RP1: variants seen among roughly 807,000 people sequenced by gnomAD.
RP1 encodes oxygen-regulated protein 1.
In RP1, 16 loss-of-function variants were observed where a neutral mutation model predicts 14.8. That is an observed-to-expected ratio of 1.08 (90% confidence interval 0.73 to 1.65). RP1 has a LOEUF of 1.65. RP1 is among the 40% of genes most tolerant of loss of function. The pLI is 0.00. For missense variants in RP1, 2,631 were observed against 2,535.0 expected (o/e 1.04, Z -0.81); for synonymous variants, 876 against 883.6 (o/e 0.99, Z 0.15).
At chr8:54,839,571 T>C (rs771974529) in intron 25 of RP1, among the ~76,000 whole-genome samples, 1 of 152,166 alleles carries the variant, frequency 6.6e-6, no homozygotes, top group Non-Finnish European at 1.5e-5. Flanking sequence ...CCCCTGGAAA[T>C]CTTTGCTCAG....
Position 54,810,704 on chromosome 8 carries a change from A to G in RP1, c.3616-26746A>G, listed in dbSNP as rs1049865270. On this transcript the variant is annotated intron_variant, in intron 24 of 28. Coordinates refer to the RP1 transcript ENST00000637698. ...TGTTTCTGTGGAAAATCCCTGTTCCAACACTGTGCCTGCTTGCTGTTTAAT... is the reference window on the plus strand; with the variant it reads ...TGTTTCTGTGGAAAATCCCTGTTCCGACACTGTGCCTGCTTGCTGTTTAAT... Among the ~76,000 whole-genome samples the G allele has an allele frequency of 4.6e-5, 7 of 152,348 alleles. No homozygotes were observed. In the East Asian group the frequency reaches 1.4e-3, roughly 29 times the overall value.
intron 7 of RP1, among the ~76,000 whole-genome samples, chr8:54,665,854 G>A (rs1371153319): frequency 6.6e-6 from 1 of 152,118 alleles, no homozygotes; most frequent in Admixed American, 6.6e-5. Context: ...CATGGAAATC[G>A]TTGGGAAACT....
At chr8:54,663,715 G>C in exon 7 of RP1, 1 of 1,528,350 alleles carries the variant, frequency 6.5e-7, no homozygotes, top group Non-Finnish European at 8.7e-7. Flanking sequence ...TATATGAAGT[G>C]AATGTGGCAA....
rs35327842 is a variant in RP1, at chr8:54,630,049, G to A, written c.6167G>A (p.Gly2056Asp). Residue 2056 changes from glycine (G) to aspartate (D), a missense_variant, in exon 4 of 4, where the codon GGT becomes GAT. By Grantham distance (94) the Gly-to-Asp change is moderately conservative. Transcript: ENST00000220676. ...GATTCAAATACACAAGACCTCAGCG[G>A]TCAGACAAATGAAATCTTTAAAGCA... ...NVDSNTQDLS[G>D]QTNEIFKAVD... The A allele has an allele frequency of 2.5e-4, 400 of 1,614,014 alleles. No individual in the cohort carries two copies. The African/African-American group carries it at 4.8e-3, about 20-fold the overall frequency.
chr8:54,726,237 T>G (rs374965645), intron 16 of RP1: 1 of 1,258,596 alleles, frequency 7.9e-7, no homozygotes, highest in Non-Finnish European at 1.0e-6. Flanking sequence ...GGCATTGAAA[T>G]GGAAACAATA....
chr8:54,586,740 C>G (rs1358491401), intron 1 of RP1, among the ~76,000 whole-genome samples: 3 of 152,198 alleles, frequency 2.0e-5, no homozygotes, highest in Non-Finnish European at 4.4e-5. Context: ...AGTTTGATCT[C>G]AGACTGCTGT....
At chr8:54,854,087 A>G (rs1812130827) in intron 26 of RP1, among the ~76,000 whole-genome samples, 1 of 152,182 alleles carries the variant, frequency 6.6e-6, no homozygotes, top group Non-Finnish European at 1.5e-5. Flanking sequence ...CCTGCTGTCT[A>G]ATGGATCTGC....
chr8:54,726,863 C>T (rs183433316), intron 17 of RP1, among the ~76,000 whole-genome samples: 27 of 150,858 alleles, frequency 1.8e-4, no homozygotes, highest in Admixed American at 1.5e-3. Context: ...GAAACTGAAG[C>T]TTAAAAAAAA....
intron 4 of RP1, among the ~76,000 whole-genome samples, chr8:54,650,776 G>A (rs1371017878): frequency 6.9e-6 from 1 of 145,842 alleles, no homozygotes; most frequent in Non-Finnish European, 1.5e-5. Flanking sequence ...TCTTATTGCT[G>A]AATTGCTGTA....
intron 1 of RP1, among the ~76,000 whole-genome samples, chr8:54,567,997 G>A (rs1000080968): frequency 1.3e-5 from 2 of 152,194 alleles, no homozygotes; most frequent in South Asian, 4.2e-4. Context: ...TATAGTCCAG[G>A]GCTGGTATGG....
At chr8:54,813,633 T>C (rs530116636) in intron 24 of RP1, among the ~76,000 whole-genome samples, 60 of 152,368 alleles carry the variant, frequency 3.9e-4, no homozygotes, top group African/African-American at 1.4e-3. Context: ...AAATATTCTA[T>C]AAATATTTGT....
chr8:54,671,253 C>T (rs536080245), intron 7 of RP1, among the ~76,000 whole-genome samples: 1 of 152,160 alleles, frequency 6.6e-6, no homozygotes, highest in Admixed American at 6.5e-5. Context: ...TCTCTTGCTG[C>T]TTCCACGATT....
chr8:54,783,625 A>G (rs1810243613), exon 24 of RP1: 5 of 1,231,512 alleles, frequency 4.1e-6, no homozygotes, highest in African/African-American at 3.1e-5. Context: ...CTTTATGTCT[A>G]TGGAGAAACA....
intron 12 of RP1, chr8:54,697,259 A>G: frequency 1.7e-6 from 1 of 591,172 alleles, no homozygotes; most frequent in Non-Finnish European, 3.0e-6. Flanking sequence ...AGGGTCAAAA[A>G]AAAGACAGTA....
intron 27 of RP1, among the ~76,000 whole-genome samples, chr8:54,861,590 A>ATTT (rs1812343676): frequency 6.6e-6 from 1 of 152,080 alleles, no homozygotes; most frequent in Admixed American, 6.6e-5. Flanking sequence ...TGAAATAAAC[A>ATTT]TTCTTTTTTT....
chr8:54,667,720 G>A (rs993421824), intron 7 of RP1, among the ~76,000 whole-genome samples: 6 of 151,990 alleles, frequency 3.9e-5, no homozygotes, highest in Non-Finnish European at 8.8e-5. Context: ...TTGTTTATTT[G>A]GTACGTCCAT....
rs192582546 is a variant in RP1 at position 54,649,900 on chromosome 8, A to T, written c.951+752A>T. On this transcript the variant is annotated intron_variant, in intron 4 of 22. Transcript: ENST00000636932. ...TGAACCATTTGGAAACATTGTTCCC[A>T]TTAGATTAGTTTGATCTAACTTTTC... Among the ~76,000 whole-genome samples, 113 of 152,344 alleles carry T rather than the reference A, an allele frequency of 7.4e-4. 1 individual carries two copies. Among genetic ancestry groups the T allele is most frequent in the African/African-American group, 2.7e-3 (111 of 41,586 alleles).
intron 22 of RP1, among the ~76,000 whole-genome samples, chr8:54,762,792 A>T (rs894001625): frequency 6.6e-6 from 1 of 152,280 alleles, no homozygotes; most frequent in African/African-American, 2.4e-5. Context: ...CCTGGGAAAC[A>T]GTCCTTCCTC....
chr8:54,835,173 A>C (rs553768364), intron 24 of RP1, among the ~76,000 whole-genome samples: 167 of 152,298 alleles, frequency 1.1e-3, no homozygotes, highest in African/African-American at 3.7e-3. Context: ...TATGCAAGAA[A>C]AATTTCTAGG....
Sources: allele counts gnomAD v4.1 joint callset (sites outside exome capture counted in the v4.1 genomes callset), GRCh38; gene constraint gnomAD v4.1.1; transcripts MANE v1.5; gene names NCBI Gene and HGNC (gene_info 2026-07-23, HGNC 2026-07-21).